The following MCM10 variants were observed in gnomAD, a reference collection of about 807,000 sequenced individuals.
The protein encoded by MCM10 is minichromosome maintenance 10 replication initiation factor, also known as protein MCM10 homolog.
MCM10 carries 91 observed loss-of-function variants against 109.9 expected under a neutral mutation model. The ratio of observed to expected loss-of-function variants is 0.83; its 90% confidence interval spans 0.70 to 0.99. The LOEUF (loss-of-function observed/expected upper bound fraction) is 0.99, where lower values mean the gene tolerates loss of function less well. MCM10 is among the 50% of genes least tolerant of loss of function. The pLI is 0.00. For missense variants in MCM10, 1,077 were observed against 1,061.2 expected (o/e 1.01, Z -0.21); for synonymous variants, 380 against 387.2 (o/e 0.98, Z 0.22).
intron 2 of MCM10, among the ~76,000 whole-genome samples, chr10:13,168,325 G>T (rs10508454): frequency 0.042 from 6,360 of 152,262 alleles, 179 homozygotes; most frequent in Admixed American, 0.075. Context: ...TGAGCATTAG[G>T]CCCCATCATC....
At position 13,192,295 on chromosome 10, in the gene MCM10, G is replaced by A. The variant is rs1015046819; in HGVS notation, c.1557G>A (p.Lys519=). 6.2e-7 allele frequency: 1 copy of A among 1,614,204 alleles called. No individual in the cohort carries two copies. The highest frequency in any genetic ancestry group is 8.5e-7 in the Non-Finnish European group (1 of 1,180,030). ...QKSLSCSEEF[K]ELMDLPTCGA... ...GCCTGTCTTGCTCTGAGGAGTTCAA[G>A]GAACTGATGGACCTGCCGACGTGTG... Residue 519 remains lysine (K), a synonymous_variant, in exon 12 of 20, where the codon AAG becomes AAA. Coordinates refer to ENST00000378714, the MANE Select transcript of MCM10 (RefSeq NM_018518.5).
intron 1 of MCM10, among the ~76,000 whole-genome samples, chr10:13,163,675 G>A (rs367700332): frequency 7.0e-6 from 1 of 142,826 alleles, no homozygotes; most frequent in Non-Finnish European, 1.6e-5. Context: ...AATGTAGATC[G>A]ACCCCAATAA....
chr10:13,201,839 T>G (rs2131587775), intron 17 of MCM10: 2 of 296,494 alleles, frequency 6.7e-6, no homozygotes, highest in South Asian at 9.9e-5. Context: ...CTGCTCTTTC[T>G]CAGGTTTTGG....
Position 13,195,180 on chromosome 10 carries a change from C to T in MCM10, c.1885C>T (p.Arg629Ter), listed in dbSNP as rs148160347. ...GGCCACAATGACGCCCAAGCTGGGG[C>T]GAGGTGTCTTGGAAGGAGATGATGT... is the stretch of plus-strand genomic sequence containing the variant. ...APATMTPKLGRGVLEGDDVLF... is the reference protein window; with the variant it reads ...APATMTPKLG The change falls in exon 14 of 20, where the codon CGA (arginine) becomes TGA (stop). Residue 629 changes from arginine (R) to a stop codon, truncating the protein, a stop_gained. Transcript: ENST00000378714. LOFTEE classifies it high-confidence loss of function. The T allele has an allele frequency of 9.3e-6, 15 of 1,613,818 alleles. No homozygotes were observed. The highest frequency in any genetic ancestry group is 6.6e-5 in the South Asian group (6 of 91,022).
intron 7 of MCM10, among the ~76,000 whole-genome samples, chr10:13,181,490 A>G (rs1421350577): frequency 6.6e-6 from 1 of 152,154 alleles, no homozygotes; most frequent in Non-Finnish European, 1.5e-5. Context: ...TCACATGGAC[A>G]CAAGGAGGGG....
chr10:13,187,617 A>C (rs771885635), intron 9 of MCM10, among the ~76,000 whole-genome samples: 3 of 152,182 alleles, frequency 2.0e-5, no homozygotes, highest in Non-Finnish European at 4.4e-5. Flanking sequence ...CCTCATCAGC[A>C]CCTGTTACTC....
At chr10:13,204,426 CTG>C in intron 18 of MCM10, 62 bp downstream of exon 18, 1 of 1,585,296 alleles carries the variant, frequency 6.3e-7, no homozygotes, top group Non-Finnish European at 8.6e-7. Flanking sequence ...TTTCCAGAGT[CTG>C]TGATTCTGTT....
In MCM10 at chr10:13,198,692, A is replaced by G; in HGVS notation, c.2123A>G (p.Glu708Gly). ...EKNTMFSSQA[E>G]DELEPARKKR... The stretch of plus-strand genomic sequence containing the variant: ...ATGTTTGTTCCTTGTGCCCTAGCTG[A>G]GGATGAATTGGAGCCTGCCAGGAAA... The change falls in exon 16 of 20, where the codon GAG becomes GGG. Residue 708 changes from glutamate (E) to glycine (G), a missense_variant. Physicochemically the swap from Glu to Gly is moderately conservative, Grantham distance 98. Transcript: ENST00000378714. 6.2e-7 allele frequency: 1 copy of G among 1,604,056 alleles called. No homozygotes were observed. Among genetic ancestry groups the G allele is most frequent in the South Asian group, 1.1e-5 (1 of 90,830 alleles).
At chr10:13,198,940 G>C (rs1486608304) in intron 16 of MCM10, 133 bp downstream of exon 16, 1 of 630,784 alleles carries the variant, frequency 1.6e-6, no homozygotes, top group Non-Finnish European at 2.7e-6. Context: ...CTGTGGCCCA[G>C]GCTGAAGTGC....
intron 8 of MCM10, among the ~76,000 whole-genome samples, chr10:13,183,920 G>A (rs933319616): frequency 1.3e-5 from 2 of 152,176 alleles, no homozygotes; most frequent in South Asian, 2.1e-4. Context: ...GTGCAATGGC[G>A]TGATCTTGAC....
intron 18 of MCM10, among the ~76,000 whole-genome samples, chr10:13,205,909 C>G (rs1834574098): frequency 6.6e-6 from 1 of 152,172 alleles, no homozygotes; most frequent in African/African-American, 2.4e-5. Context: ...CAAGGAACAT[C>G]CTTCACATAG....
At chr10:13,168,200 G>T (rs1463773758) in intron 2 of MCM10, among the ~76,000 whole-genome samples, 1 of 152,202 alleles carries the variant, frequency 6.6e-6, no homozygotes, top group Non-Finnish European at 1.5e-5. Flanking sequence ...TTCCTTGCAG[G>T]CATGTGACAT....
At chr10:13,175,332 C>T (rs73577674) in intron 5 of MCM10, among the ~76,000 whole-genome samples, 178 bp from the exon 6 acceptor site, 12,143 of 152,122 alleles carry the variant, frequency 0.08, 1,116 homozygotes, top group African/African-American at 0.22. Context: ...ACTCAGAAAT[C>T]GCTTAAACCC....
chr10:13,165,071 G>A (rs764147415), intron 2 of MCM10, among the ~76,000 whole-genome samples: 9 of 152,180 alleles, frequency 5.9e-5, no homozygotes, highest in Non-Finnish European at 1.0e-4. Flanking sequence ...GTCCCTGAGA[G>A]ATGTGTTTCC....
At chr10:13,189,895 TG>T (rs933411170) in intron 10 of MCM10, among the ~76,000 whole-genome samples, 2 of 152,182 alleles carry the variant, frequency 1.3e-5, no homozygotes, top group Non-Finnish European at 2.9e-5. Context: ...TCCAATCTTT[TG>T]GCTTCCCTGG....
intron 5 of MCM10, among the ~76,000 whole-genome samples, chr10:13,174,541 G>A (rs183636831): frequency 6.6e-6 from 1 of 152,266 alleles, no homozygotes; most frequent in African/African-American, 2.4e-5. Context: ...TCATTGCATA[G>A]AGAATCAGTA....
intron 15 of MCM10, 66 bp from the exon 16 acceptor site, chr10:13,198,623 T>A: frequency 2.9e-6 from 3 of 1,018,342 alleles, no homozygotes; most frequent in Non-Finnish European, 4.7e-6. Flanking sequence ...GGGAGTAGAG[T>A]TGATGAGGCG....
chr10:13,170,191 A>G (rs1343772247), intron 2 of MCM10, among the ~76,000 whole-genome samples: 1 of 152,226 alleles, frequency 6.6e-6, no homozygotes, highest in African/African-American at 2.4e-5. Context: ...CAAAATTATG[A>G]AAGTGATTAC....
In MCM10 at chr10:13,190,852, T is replaced by G. The variant is rs560503412; in HGVS notation, c.1416-447T>G. ...TAATTAATGTTTTTCTCATGTATTT[T>G]CAGTGGCTACATAGTGTTCTTTTGC... is the stretch of plus-strand genomic sequence containing the variant. On this transcript the variant is annotated intron_variant, in intron 10 of 19. Coordinates refer to ENST00000378714, the MANE Select transcript of MCM10 (RefSeq NM_018518.5). Among the ~76,000 whole-genome samples, 8 of 152,360 alleles carry G rather than the reference T, an allele frequency of 5.3e-5. No individual in the cohort carries two copies. In the South Asian group the frequency reaches 1.4e-3, roughly 28 times the overall value.
Sources: gnomAD v4.1 joint callset for allele counts (sites outside exome capture counted in the v4.1 genomes callset) on GRCh38, gnomAD v4.1.1 for gene constraint, MANE v1.5 for transcripts, NCBI Gene and HGNC (gene_info 2026-07-23, HGNC 2026-07-21) for gene names.